Variants in ADCY9 observed in about 807,000 individuals in gnomAD.
The protein encoded by ADCY9 is adenylate cyclase 9.
Under a neutral mutation model 101.5 loss-of-function variants are expected in ADCY9, and 50 were observed. The observed-to-expected ratio is 0.49, with a 90% CI of 0.39 to 0.62. ADCY9 has a LOEUF of 0.62. Among genes scored for constraint, ADCY9 ranks in the 20% least tolerant of loss-of-function variants. The pLI is 0.00. For synonymous variants in ADCY9, 905 were observed against 769.3 expected (o/e 1.18, Z -2.92); for missense variants, 1,662 against 1,800.4 (o/e 0.92, Z 1.39).
intron 2 of ADCY9, 67 bp from the exon 3 acceptor site, chr16:4,007,625 T>G: frequency 2.1e-6 from 3 of 1,401,794 alleles, no homozygotes; most frequent in Non-Finnish European, 2.9e-6. Flanking sequence ...CAGCTCCGTC[T>G]TGCTCTCTGG....
chr16:4,029,459 G>A (rs925899633), intron 2 of ADCY9, among the ~76,000 whole-genome samples: 1 of 152,126 alleles, frequency 6.6e-6, no homozygotes, highest in Non-Finnish European at 1.5e-5. Flanking sequence ...CTCAAAATCA[G>A]TAAGAGGCCA....
chr16:4,101,583 A>T (rs1362038363), intron 2 of ADCY9, among the ~76,000 whole-genome samples: 1 of 152,170 alleles, frequency 6.6e-6, no homozygotes. Flanking sequence ...TGGCCTGTAC[A>T]GATTATTTGA....
chr16:3,978,619 G>C (rs555709238), intron 8 of ADCY9, among the ~76,000 whole-genome samples: 1 of 152,240 alleles, frequency 6.6e-6, no homozygotes, highest in Non-Finnish European at 1.5e-5. Context: ...CCACTGCCCG[G>C]GCGTGAGCAT....
At chr16:3,990,523 C>T (rs1486207753) in intron 5 of ADCY9, among the ~76,000 whole-genome samples, 3 of 152,084 alleles carry the variant, frequency 2.0e-5, no homozygotes, top group African/African-American at 7.2e-5. Flanking sequence ...ATGTGCCCCC[C>T]ACACAAAGTA....
chr16:3,972,881 C>G (rs1296266941), intron 10 of ADCY9, among the ~76,000 whole-genome samples: 1 of 152,010 alleles, frequency 6.6e-6, no homozygotes, highest in African/African-American at 2.4e-5. Context: ...ATGCACTGAG[C>G]TGTCCTTTTA....
downstream of ADCY9, among the ~76,000 whole-genome samples, chr16:3,960,758 G>A (rs1018854842): frequency 1.1e-4 from 17 of 152,092 alleles, no homozygotes; most frequent in African/African-American, 3.6e-4. Flanking sequence ...GCAGGGATAC[G>A]AGAATTCCCT....
At chr16:4,076,658 G>A (rs1433870915) in intron 2 of ADCY9, among the ~76,000 whole-genome samples, 2 of 132,634 alleles carry the variant, frequency 1.5e-5, no homozygotes, top group African/African-American at 5.2e-5. Flanking sequence ...ATCGCTAGAA[G>A]ATAGACGCAC....
At chr16:4,108,081 T>A (rs373087885) in intron 2 of ADCY9, among the ~76,000 whole-genome samples, 3 of 152,338 alleles carry the variant, frequency 2.0e-5, no homozygotes, top group African/African-American at 4.8e-5. Context: ...TTCAGAGATA[T>A]GACCATGGGT....
At chr16:4,113,513 T>G (rs1175873715) in intron 2 of ADCY9, among the ~76,000 whole-genome samples, 1 of 152,174 alleles carries the variant, frequency 6.6e-6, no homozygotes. Context: ...AAGTTCTCCT[T>G]CCTTCTAAAG....
intron 2 of ADCY9, among the ~76,000 whole-genome samples, chr16:4,048,964 G>C (rs140009014): frequency 1.0e-3 from 159 of 152,244 alleles, no homozygotes; most frequent in African/African-American, 3.7e-3. Flanking sequence ...AAAGCTCCTG[G>C]GACCATCAGG....
chr16:4,107,305 C>T (rs916836281), intron 2 of ADCY9, among the ~76,000 whole-genome samples: 14 of 151,988 alleles, frequency 9.2e-5, no homozygotes, highest in Non-Finnish European at 1.3e-4. Context: ...AATCCCAGCC[C>T]TTTGGGAGGC....
chr16:4,063,704 C>G (rs1262274775), intron 2 of ADCY9, among the ~76,000 whole-genome samples: 1 of 146,072 alleles, frequency 6.8e-6, no homozygotes, highest in African/African-American at 2.5e-5. Flanking sequence ...GGGGCGAGAT[C>G]ATGTCTCAAA....
At chr16:4,079,730 T>C (rs935968670) in intron 2 of ADCY9, among the ~76,000 whole-genome samples, 10 of 152,140 alleles carry the variant, frequency 6.6e-5, no homozygotes, top group Admixed American at 5.2e-4. Flanking sequence ...ATTATATCTA[T>C]ATATATTTAT....
At chr16:4,004,560 G>A (rs1003426119) in intron 3 of ADCY9, among the ~76,000 whole-genome samples, 2 of 152,148 alleles carry the variant, frequency 1.3e-5, no homozygotes, top group Non-Finnish European at 2.9e-5. Context: ...GAGCTGCATC[G>A]CTCCATGTGT....
intron 3 of ADCY9, among the ~76,000 whole-genome samples, chr16:4,006,305 G>A (rs1168677223): frequency 6.6e-6 from 1 of 152,202 alleles, no homozygotes; most frequent in Non-Finnish European, 1.5e-5. Context: ...GCGGTGCCAA[G>A]GTGAGAAGCC....
At chr16:4,093,303 A>G (rs994203397) in intron 2 of ADCY9, among the ~76,000 whole-genome samples, 1 of 152,226 alleles carries the variant, frequency 6.6e-6, no homozygotes, top group African/African-American at 2.4e-5. Flanking sequence ...GCTGTCCCCG[A>G]AGCTCTCTAT....
chr16:4,085,060 C>T (rs2056928919), intron 2 of ADCY9, among the ~76,000 whole-genome samples: 1 of 151,996 alleles, frequency 6.6e-6, no homozygotes, highest in African/African-American at 2.4e-5. Context: ...CACCCAGAGG[C>T]TGAAAGGGAG....
At chr16:4,030,838 C>T (rs779153708) in intron 2 of ADCY9, among the ~76,000 whole-genome samples, 3 of 152,078 alleles carry the variant, frequency 2.0e-5, no homozygotes, top group Admixed American at 6.6e-5. Context: ...GGGAGGGACA[C>T]GAGGGAGGCT....
At chr16:4,103,329 G>C (rs1478615650) in intron 2 of ADCY9, among the ~76,000 whole-genome samples, 9 of 152,222 alleles carry the variant, frequency 5.9e-5, no homozygotes, top group African/African-American at 2.2e-4. Context: ...GGCATCTGTG[G>C]AGTCTAAACT....
Sources: gnomAD v4.1 joint callset for allele counts (sites outside exome capture counted in the v4.1 genomes callset) on GRCh38, gnomAD v4.1.1 for gene constraint, MANE v1.5 for transcripts, NCBI Gene and HGNC (gene_info 2026-07-23, HGNC 2026-07-21) for gene names.